Variants in GPBP1L1 observed in about 807,000 individuals in gnomAD.
GPBP1L1 encodes the protein vasculin-like protein 1.
GPBP1L1 carries 23 observed loss-of-function variants against 52.5 expected under a neutral mutation model. The ratio of observed to expected loss-of-function variants is 0.44; its 90% CI spans 0.32 to 0.62. The LOEUF (loss-of-function observed/expected upper bound fraction) is 0.62, where lower values mean the gene tolerates loss of function less well. Ranked by LOEUF, GPBP1L1 falls within the 20% of genes least tolerant of loss-of-function variation. The pLI, the probability that GPBP1L1 is intolerant of heterozygous loss-of-function variation, is 0.06. For missense variants in GPBP1L1, 596 were observed against 579.3 expected, an observed-to-expected ratio of 1.03 and a Z score of -0.30; for synonymous variants, 243 against 203.1, an observed-to-expected ratio of 1.20 and a Z score of -1.67.
intron 2 of GPBP1L1, among the ~76,000 whole-genome samples, chr1:45,683,203 CTTTTTTTTTTTTTTTT>C (rs764606358): frequency 8.4e-5 from 7 of 83,776 alleles, no homozygotes; most frequent in Non-Finnish European, 1.3e-4. Flanking sequence ...GAATATAGGC[CTTTTTTTTTTTTTTTT>C]TTTTTTTTTT....
At chr1:45,645,879 G>A in intron 6 of GPBP1L1, 1 of 507,158 alleles carries the variant, frequency 2.0e-6, no homozygotes, top group South Asian at 1.5e-5. Flanking sequence ...CATGGTCCAT[G>A]ATACCAGCTA....
chr1:45,676,566 C>T (rs549413657), intron 2 of GPBP1L1, among the ~76,000 whole-genome samples: 8 of 151,704 alleles, frequency 5.3e-5, no homozygotes, highest in African/African-American at 1.5e-4. Context: ...AAAAATTAGC[C>T]GGGCTTGGTG....
At chr1:45,630,675 A>G in intron 10 of GPBP1L1, 69 bp from the exon 11 acceptor site, 2 of 1,547,234 alleles carry the variant, frequency 1.3e-6, no homozygotes, top group South Asian at 2.4e-5. Flanking sequence ...CAACCTATGA[A>G]ATCAAGGACT....
chr1:45,687,244 A>T (rs769494163), upstream of GPBP1L1: 1 of 152,318 alleles, frequency 6.6e-6, no homozygotes, highest in Admixed American at 6.5e-5. Flanking sequence ...CGCTTGCGAC[A>T]GTGCCGTTTC....
At chr1:45,641,432 A>G (rs1644670762) in intron 7 of GPBP1L1, among the ~76,000 whole-genome samples, 1 of 151,674 alleles carries the variant, frequency 6.6e-6, no homozygotes, top group Non-Finnish European at 1.5e-5. Flanking sequence ...AAAAAACCAC[A>G]AACATATATA....
intron 2 of GPBP1L1, among the ~76,000 whole-genome samples, chr1:45,677,666 T>C (rs947352613): frequency 1.3e-5 from 2 of 152,152 alleles, no homozygotes; most frequent in Non-Finnish European, 1.5e-5. Flanking sequence ...ACGACAACAA[T>C]GGGATTTCTG....
At chr1:45,683,066 T>C (rs887681026) in intron 2 of GPBP1L1, among the ~76,000 whole-genome samples, 5 of 152,080 alleles carry the variant, frequency 3.3e-5, no homozygotes, top group African/African-American at 4.8e-5. Flanking sequence ...AGTTTTTTTT[T>C]TTTTAGTTGG....
At chr1:45,664,289 C>G (rs1644982381) in intron 2 of GPBP1L1, among the ~76,000 whole-genome samples, 1 of 149,422 alleles carries the variant, frequency 6.7e-6, no homozygotes, top group African/African-American at 2.5e-5. Flanking sequence ...CCACTGCACT[C>G]CAGCCTGGGC....
Position 45,628,075 on chromosome 1 carries a change from T to TA in GPBP1L1, c.*180dup. On this transcript the variant is annotated 3_prime_UTR_variant, in exon 13 of 13. Transcript: ENST00000355105. Reference sequence around the variant, plus strand: ...CACAAACTTCTCTCTATAAAGCAGATAACAGGGAAGAACAATAACAAAAGC... The same window carrying TA: ...CACAAACTTCTCTCTATAAAGCAGATAAACAGGGAAGAACAATAACAAAAGC... 1 of 634,546 alleles carries TA rather than the reference T, an allele frequency of 1.6e-6. No homozygotes were observed. Among genetic ancestry groups the TA allele is most frequent in the South Asian group, 1.9e-5 (1 of 52,282 alleles). The allele number at this position is 634,546 out of a possible 1,614,324, so 39.3% of individuals were successfully genotyped here.
At chr1:45,637,629 T>C (rs965624714) in intron 8 of GPBP1L1, among the ~76,000 whole-genome samples, 1 of 151,512 alleles carries the variant, frequency 6.6e-6, no homozygotes, top group South Asian at 2.1e-4. Flanking sequence ...CTTGTAAAAA[T>C]TTTTTTACCT....
intron 4 of GPBP1L1, chr1:45,655,727 G>A (rs1465587379): frequency 6.3e-6 from 1 of 157,680 alleles, no homozygotes; most frequent in Non-Finnish European, 1.4e-5. Context: ...AAGGGTGAAG[G>A]CAACGGTTGA....
intron 6 of GPBP1L1, among the ~76,000 whole-genome samples, chr1:45,647,659 TA>T (rs1644767406): frequency 6.6e-6 from 1 of 152,178 alleles, no homozygotes; most frequent in South Asian, 2.1e-4. Flanking sequence ...TTCTGACATA[TA>T]AGTGAGCTCA....
intron 2 of GPBP1L1, among the ~76,000 whole-genome samples, chr1:45,675,140 T>C (rs1164528779): frequency 1.3e-5 from 2 of 151,842 alleles, no homozygotes; most frequent in Non-Finnish European, 2.9e-5. Context: ...CTACTAAAAA[T>C]ACAAAAATTA....
At chr1:45,648,712 T>C (rs1443580181) in intron 6 of GPBP1L1, among the ~76,000 whole-genome samples, 1 of 152,246 alleles carries the variant, frequency 6.6e-6, no homozygotes, top group Non-Finnish European at 1.5e-5. Flanking sequence ...ACTTGCTTTG[T>C]CTTATTTTTA....
chr1:45,664,490 C>T (rs1180202280), intron 2 of GPBP1L1, among the ~76,000 whole-genome samples: 2 of 151,854 alleles, frequency 1.3e-5, no homozygotes, highest in African/African-American at 2.4e-5. Context: ...GGCGTGAACC[C>T]GGGAGGTGGA....
In GPBP1L1 at chr1:45,633,548, G is replaced by A. The variant is rs140921057; in HGVS notation, c.985C>T (p.Leu329=). Residue 329 remains leucine (L), a synonymous_variant, in exon 10 of 13, where the codon CTG becomes TTG. Coordinates refer to ENST00000355105, the MANE Select transcript of GPBP1L1 (RefSeq NM_021639.5). ...TDRKSEFLKT[L]KDDRNGDFSE... Reference sequence around the variant, plus strand: ...AAGTCTCCATTCCGGTCATCCTTCAGAGTTTTCAGGAACTCACTCTTCCTG... The same window carrying A: ...AAGTCTCCATTCCGGTCATCCTTCAAAGTTTTCAGGAACTCACTCTTCCTG... 1.1e-4 allele frequency: 174 copies of A among 1,614,052 alleles called. No homozygotes were observed. In the African/African-American group the frequency reaches 1.4e-3, roughly 13 times the overall value.
intron 4 of GPBP1L1, 109 bp from the exon 5 acceptor site, chr1:45,655,428 AG>A: frequency 1.6e-6 from 2 of 1,235,818 alleles, no homozygotes; most frequent in Admixed American, 4.1e-5. Flanking sequence ...TAATGGTGAT[AG>A]AAACTCATAT....
intron 6 of GPBP1L1, among the ~76,000 whole-genome samples, chr1:45,646,492 T>C (rs1644748050): frequency 6.6e-6 from 1 of 152,216 alleles, no homozygotes; most frequent in African/African-American, 2.4e-5. Flanking sequence ...ATCCTGGCTA[T>C]CCTTTCAATT....
intron 2 of GPBP1L1, among the ~76,000 whole-genome samples, chr1:45,680,083 AAAAT>A (rs1645194261): frequency 6.6e-6 from 1 of 152,058 alleles, no homozygotes; most frequent in Non-Finnish European, 1.5e-5. Context: ...CTGTCTCTAC[AAAAT>A]AAATAAACTT....
Sources: allele counts gnomAD v4.1 joint callset (sites outside exome capture counted in the v4.1 genomes callset), GRCh38; gene constraint gnomAD v4.1.1; transcripts MANE v1.5; gene names NCBI Gene and HGNC (gene_info 2026-07-23, HGNC 2026-07-21).